Variants in OMG observed in about 807,000 individuals in gnomAD.
OMG encodes the protein oligodendrocyte-myelin glycoprotein.
OMG carries 9 observed loss-of-function variants against 26.2 expected under a neutral mutation model. The ratio of observed to expected loss-of-function variants is 0.34; its 90% confidence interval spans 0.21 to 0.60. OMG has a LOEUF of 0.60. Among genes scored for constraint, OMG ranks in the 20% least tolerant of loss-of-function variants. The probability of loss-of-function intolerance (pLI) is 0.80; values close to 1 mark genes in which losing one functional copy is unlikely to be tolerated. For missense variants in OMG, 402 were observed against 513.6 expected (o/e 0.78, Z 2.10); for synonymous variants, 179 against 190.4 (o/e 0.94, Z 0.49).
Position 31,294,691 on chromosome 17 carries a change from A to G in OMG, c.*318T>C. The G allele has an allele frequency of 5.3e-6, 2 of 377,088 alleles. No homozygotes were observed. The highest frequency in any genetic ancestry group is 4.9e-5 in the South Asian group (2 of 40,794). The allele number at this position is 377,088 out of a possible 1,614,324, so 23.4% of individuals were successfully genotyped here. A position where few individuals can be genotyped will look rare whatever the true frequency, so the allele number is the denominator to read the frequency against. On this transcript the variant is annotated 3_prime_UTR_variant, in exon 2 of 2. Transcript: ENST00000247271. ...ATTTTCCAGATGTTTGACAGTGTAA[A>G]CATACATAAAATACATATTAAAGTT...
In OMG at chr17:31,295,789, T is replaced by G; in HGVS notation, c.543A>C (p.Gln181His). The G allele has an allele frequency of 6.2e-7, 1 of 1,614,152 alleles. No homozygotes were observed. The highest frequency in any genetic ancestry group is 1.1e-5 in the South Asian group (1 of 91,082). Reference sequence around the variant, plus strand: ...GGTTTATTAATGTACCTGGAAGAATTTGTGTCAAAGAATTATTAGACAGGT... The same window carrying G: ...GGTTTATTAATGTACCTGGAAGAATGTGTGTCAAAGAATTATTAGACAGGT... Reference protein sequence around the residue: ...IVDLSNNSLTQILPGTLINLT... With the variant: ...IVDLSNNSLTHILPGTLINLT... Residue 181 changes from glutamine to histidine, a missense_variant, in exon 2 of 2, where the codon CAA becomes CAC. Gln to His is a conservative substitution (Grantham distance 24). Transcript: ENST00000247271.
In OMG at chr17:31,296,130, T is replaced by C; in HGVS notation, c.202A>G (p.Thr68Ala). Reference sequence around the variant, plus strand: ...TGGGTTAACTGGTTATGCAGATCAGTAAAGTGGTTATAAGACAGGTTTAAA... The same window carrying C: ...TGGGTTAACTGGTTATGCAGATCAGCAAAGTGGTTATAAGACAGGTTTAAA... ...IHLNLSYNHF[T>A]DLHNQLTQYT... The change falls in exon 2 of 2, where the codon ACT (threonine) becomes GCT (alanine). Residue 68 changes from threonine to alanine, a missense_variant. Transcript: ENST00000247271. 1 of 1,611,040 alleles carries C rather than the reference T, an allele frequency of 6.2e-7. No individual in the cohort carries two copies. Among genetic ancestry groups the C allele is most frequent in the African/African-American group, 1.3e-5 (1 of 74,860 alleles).
chr17:31,295,654 C>T lies in OMG; in HGVS notation c.678G>A (p.Arg226=). The T allele has an allele frequency of 6.2e-7, 1 of 1,614,088 alleles. No individual in the cohort carries two copies. The highest frequency in any genetic ancestry group is 8.5e-7 in the Non-Finnish European group (1 of 1,180,006). ...TGTTTTGTTTGTGGTCACATGACCA[C>T]CTGTTATTGTAAAGGGTTATCTCTT... ...QLQEITLYNN[R]WSCDHKQNIT... The change falls in exon 2 of 2, where the codon AGG becomes AGA. Residue 226 remains arginine (R), a synonymous_variant. Transcript: ENST00000247271.
In OMG at chr17:31,294,949, T is replaced by C. The variant is rs534747200; in HGVS notation, c.*60A>G. 2 of 1,609,582 alleles carry C rather than the reference T, an allele frequency of 1.2e-6. No homozygotes were observed. Among genetic ancestry groups the C allele is most frequent in the East Asian group, 4.5e-5 (2 of 44,838 alleles). On this transcript the variant is annotated 3_prime_UTR_variant, in exon 2 of 2. Coordinates refer to ENST00000247271, the MANE Select transcript of OMG (RefSeq NM_002544.5). Reference sequence around the variant, plus strand: ...TCGAATCACTGGTTAGATATGGACATATTTTCCCAACTGTACATCAGGGAG... The same window carrying C: ...TCGAATCACTGGTTAGATATGGACACATTTTCCCAACTGTACATCAGGGAG...
rs1311026212 is a variant in OMG, at chr17:31,294,985, A to C, written c.*24T>G. 6.2e-7 allele frequency: 1 copy of C among 1,613,966 alleles called. No individual in the cohort carries two copies. Among genetic ancestry groups the C allele is most frequent in the Admixed American group, 1.7e-5 (1 of 60,008 alleles). ...CTGTACATCAGGGAGGAGTGCTTTC[A>C]TTAGTTTCAGAAAATGCAGACCCTC... On this transcript the variant is annotated 3_prime_UTR_variant, in exon 2 of 2. Transcript: ENST00000247271.
chr17:31,295,811 A>G lies in OMG; in HGVS notation c.521T>C (p.Leu174Pro), dbSNP rs1326493524. Residue 174 changes from leucine (L) to proline (P), a missense_variant, in exon 2 of 2, where the codon CTG becomes CCG. Transcript: ENST00000247271. ...AATTTGTGTCAAAGAATTATTAGAC[A>G]GGTCCACGATATGTAGTTTGGAGGG... ...NMPSKLHIVDLSNNSLTQILP... is the reference protein window; with the variant it reads ...NMPSKLHIVDPSNNSLTQILP... 6.2e-7 allele frequency: 1 copy of G among 1,614,102 alleles called. No individual in the cohort carries two copies. Among genetic ancestry groups the G allele is most frequent in the Non-Finnish European group, 8.5e-7 (1 of 1,180,040 alleles).
Position 31,295,561 on chromosome 17 carries a change from T to A in OMG, c.771A>T (p.Gln257His), listed in dbSNP as rs1265985775. 26 of 1,614,142 alleles carry A rather than the reference T, an allele frequency of 1.6e-5. No homozygotes were observed. The highest frequency in any genetic ancestry group is 2.2e-5 in the Non-Finnish European group (26 of 1,179,996). Residue 257 changes from glutamine to histidine, a missense_variant, in exon 2 of 2, where the codon CAA becomes CAT. Physicochemically the swap from Gln to His is conservative, Grantham distance 24 (BLOSUM62 0). This residue lies in a region of OMG where 247 missense variants were observed against 274.7 expected (regional missense o/e 0.90). Coordinates refer to ENST00000247271, the MANE Select transcript of OMG (RefSeq NM_002544.5). Reference protein sequence around the residue: ...AHVIGTPCSTQISSLKEHNMY... With the variant: ...AHVIGTPCSTHISSLKEHNMY... ...TGTTATGTTCCTTTAAAGATGATAT[T>A]TGGGTAGAACATGGAGTCCCTATCA... is the stretch of plus-strand genomic sequence containing the variant.
chr17:31,296,572 C>T (rs1176325695), intron 1 of OMG: 1 of 511,206 alleles, frequency 2.0e-6, no homozygotes, highest in African/African-American at 1.9e-5. Context: ...CCTGCATTTT[C>T]TCCTTTATTT....
rs924956458 is a variant in OMG at position 31,295,163 on chromosome 17, A to G, written c.1169T>C (p.Phe390Ser). ...LSITSGMPNN[F>S]SEMPQQSTTL... ...TGTGCTTTGTTGAGGCATTTCAGAG[A>G]AATTATTTGGCATGCCACTAGTGAT... Residue 390 changes from phenylalanine to serine, a missense_variant, in exon 2 of 2, where the codon TTC becomes TCC. Around this residue, in one of 3 missense-constraint regions of OMG, gnomAD observed 247 missense variants for 274.7 expected, o/e 0.90. Transcript: ENST00000247271. The G allele has an allele frequency of 1.2e-6, 2 of 1,614,086 alleles. No individual in the cohort carries two copies. The highest frequency in any genetic ancestry group is 1.6e-4 in the Middle Eastern group (1 of 6,062).
In OMG at chr17:31,295,440, G is replaced by A. The variant is rs775519411; in HGVS notation, c.892C>T (p.Pro298Ser). The A allele has an allele frequency of 2.4e-5, 39 of 1,613,968 alleles. No individual in the cohort carries two copies. In the South Asian group the frequency reaches 4.2e-4, roughly 17 times the overall value. Residue 298 changes from proline to serine, a missense_variant, in exon 2 of 2, where the codon CCC (proline) becomes TCC (serine). Coordinates refer to ENST00000247271, the MANE Select transcript of OMG (RefSeq NM_002544.5). ...TGTTTGGGTATTTTGGTCACTTTGG[G>A]TTGAGTTACCACACTCAGAGAGTTA... is the stretch of plus-strand genomic sequence containing the variant. Reference protein sequence around the residue: ...TINSLSVVTQPKVTKIPKQYR... With the variant: ...TINSLSVVTQSKVTKIPKQYR...
chr17:31,295,452 C>T lies in OMG; in HGVS notation c.880G>A (p.Val294Met). ...QTVDTINSLS[V>M]VTQPKVTKIP... ...TTGGTCACTTTGGGTTGAGTTACCA[C>T]ACTCAGAGAGTTAATGGTGTCCACT... The change falls in exon 2 of 2, where the codon GTG becomes ATG. Residue 294 changes from valine (V) to methionine (M), a missense_variant. Around this residue, in one of 3 missense-constraint regions of OMG, gnomAD observed 247 missense variants for 274.7 expected, o/e 0.90. Transcript: ENST00000247271. 3.1e-6 allele frequency: 5 copies of T among 1,614,126 alleles called. No homozygotes were observed. Among genetic ancestry groups the T allele is most frequent in the Non-Finnish European group, 4.2e-6 (5 of 1,179,998 alleles).
intron 1 of OMG, 70 bp from the exon 2 acceptor site, chr17:31,296,407 G>A (rs1027402252): frequency 7.3e-6 from 11 of 1,506,986 alleles, no homozygotes; most frequent in Non-Finnish European, 1.8e-6. Flanking sequence ...GGGTCAGTTA[G>A]CATTAGGCAA....
Position 31,296,341 on chromosome 17 carries a change from GAAAC to G in OMG, c.-6-8_-6-5del, listed in dbSNP as rs2068464203. ...ATATCTGATATTCCATCAAAGCCTA[GAAAC>G]AAACAGATACACCCTTCTTTTAATA... On this transcript the variant is annotated splice_region_variant and splice_polypyrimidine_tract_variant and intron_variant, in intron 1 of 1. Coordinates refer to ENST00000247271, the MANE Select transcript of OMG (RefSeq NM_002544.5). The G allele has an allele frequency of 6.2e-7, 1 of 1,613,922 alleles. No individual in the cohort carries two copies. The highest frequency in any genetic ancestry group is 8.5e-7 in the Non-Finnish European group (1 of 1,179,838).
At chr17:31,296,702 T>C in intron 1 of OMG, 1 of 255,062 alleles carries the variant, frequency 3.9e-6, no homozygotes, top group South Asian at 5.2e-5. Context: ...ATTACTATTT[T>C]TGATGATATG....
rs1330615166 is a variant in OMG, at chr17:31,295,522, A to C, written c.810T>G (p.Pro270=). 6.2e-7 allele frequency: 1 copy of C among 1,614,184 alleles called. No individual in the cohort carries two copies. Among genetic ancestry groups the C allele is most frequent in the East Asian group, 2.2e-5 (1 of 44,882 alleles). Residue 270 remains proline (P), a synonymous_variant, in exon 2 of 2, where the codon CCT becomes CCG. Coordinates refer to ENST00000247271, the MANE Select transcript of OMG (RefSeq NM_002544.5). The stretch of plus-strand genomic sequence containing the variant: ...TGAATAAGCTTGAGGTAAATCCAGA[A>C]GGTGTGGGATACATGTTATGTTCCT... ...SLKEHNMYPT[P]SGFTSSLFTV... is the part of the protein sequence containing the mutation.
rs1336646608 is a variant in OMG at position 31,295,857 on chromosome 17, A to G, written c.475T>C (p.Trp159Arg). The change falls in exon 2 of 2, where the codon TGG becomes CGG. Residue 159 changes from tryptophan (W) to arginine (R), a missense_variant. Around this residue, in one of 3 missense-constraint regions of OMG, gnomAD observed 90 missense variants for 158.9 expected, o/e 0.57. Transcript: ENST00000247271. ...GAGGGCATGTTGGTTGGAACTGTCC[A>G]AAGTTTGTTACTACTGAGGTTGAGA... ...EVLNLSSNKL[W>R]TVPTNMPSKL... 4 of 1,614,110 alleles carry G rather than the reference A, an allele frequency of 2.5e-6. No individual in the cohort carries two copies. Among genetic ancestry groups the G allele is most frequent in the African/African-American group, 2.7e-5 (2 of 74,938 alleles).
chr17:31,295,848 GA>G lies in OMG; in HGVS notation c.483del (p.Pro162GlnfsTer18). On this transcript the variant is annotated frameshift_variant, in exon 2 of 2. Coordinates refer to ENST00000247271, the MANE Select transcript of OMG (RefSeq NM_002544.5). LOFTEE classifies it high-confidence loss of function. ...TGTAGTTTGGAGGGCATGTTGGTTG[GA>G]ACTGTCCAAAGTTTGTTACTACTGA... The part of the protein sequence containing the change: ...LNLSSNKLWT[V>X]PTNMPSKLHI... The G allele has an allele frequency of 6.2e-7, 1 of 1,614,140 alleles. No homozygotes were observed. The highest frequency in any genetic ancestry group is 8.5e-7 in the Non-Finnish European group (1 of 1,180,010).
At position 31,295,742 on chromosome 17, in the gene OMG, T is replaced by G; in HGVS notation, c.590A>C (p.Tyr197Ser). The G allele has an allele frequency of 6.2e-7, 1 of 1,614,102 alleles. No homozygotes were observed. The highest frequency in any genetic ancestry group is 8.5e-7 in the Non-Finnish European group (1 of 1,180,000). The stretch of plus-strand genomic sequence containing the variant: ...GAATGTGAACTTATTGTTGTGCAGG[T>G]AAAGATGTGTGAGATTTGTCAGGTT... The part of the protein sequence containing the change: ...LINLTNLTHL[Y>S]LHNNKFTFIP... The change falls in exon 2 of 2, where the codon TAC becomes TCC. Residue 197 changes from tyrosine (Y) to serine (S), a missense_variant. By Grantham distance (144) the Tyr-to-Ser change is moderately radical. Around this residue, in one of 3 missense-constraint regions of OMG, gnomAD observed 90 missense variants for 158.9 expected, o/e 0.57. Transcript: ENST00000247271.
In OMG at chr17:31,295,682, AAC is replaced by A; in HGVS notation, c.648_649del (p.Gln216HisfsTer9). The stretch of plus-strand genomic sequence containing the variant: ...GTTATTGTAAAGGGTTATCTCTTGC[AAC>A]TGAAAGAGTTGGTCAAAAGATTGGT... On this transcript the variant is annotated frameshift_variant, in exon 2 of 2. Coordinates refer to ENST00000247271, the MANE Select transcript of OMG (RefSeq NM_002544.5). LOFTEE classifies it high-confidence loss of function. 1 of 1,614,162 alleles carries A rather than the reference AAC, an allele frequency of 6.2e-7. No homozygotes were observed.
Sources: gnomAD v4.1 joint callset for allele counts on GRCh38, gnomAD v4.1.1 for gene constraint, gnomAD v4.1.1 regional missense constraint, MANE v1.5 for transcripts, NCBI Gene and HGNC (gene_info 2026-07-23, HGNC 2026-07-21) for gene names.